The following SNN variants were observed in gnomAD, a reference collection of about 807,000 sequenced individuals.
SNN encodes stannin.
SNN carries 5 observed loss-of-function variants against 5.3 expected under a neutral mutation model. The ratio of observed to expected loss-of-function variants is 0.94; its 90% CI spans 0.49 to 1.97. The LOEUF (loss-of-function observed/expected upper bound fraction) is 1.97, where lower values mean the gene tolerates loss of function less well. Among genes scored for constraint, SNN ranks in the 30% most tolerant of loss-of-function variants. SNN has a pLI of 0.01. For synonymous variants in SNN, 67 were observed against 52.1 expected (o/e 1.29, Z -1.24); for missense variants, 127 against 121.6 (o/e 1.04, Z -0.21).
chr16:11,669,090 C>T (rs2050248216), intron 1 of SNN, among the ~76,000 whole-genome samples: 1 of 152,208 alleles, frequency 6.6e-6, no homozygotes, highest in Non-Finnish European at 1.5e-5. Context: ...CCGATTCGAG[C>T]TACCTCCCCA....
At position 11,677,777 on chromosome 16, in the gene SNN, C is replaced by T. The variant is rs1483476998; in HGVS notation, c.*1451C>T. On this transcript the variant is annotated 3_prime_UTR_variant, in exon 2 of 2. Transcript: ENST00000329565. This position sits in a 1 kb window ranked among gnomAD's most constrained non-coding sequence, Gnocchi z 4.2. ...ATCCCTGTAATAGATGGAAGGTCAG[C>T]CCCGGCTTAACCACAGAGCACTGGC... is the stretch of plus-strand genomic sequence containing the variant. 3.0e-5 allele frequency: 5 copies of T among 167,104 alleles called. No homozygotes were observed. Among genetic ancestry groups the T allele is most frequent in the African/African-American group, 7.2e-5 (3 of 41,454 alleles). The allele number at this position is 167,104 out of a possible 1,614,324, so 10.4% of individuals were successfully genotyped here.
rs893382774 is a variant in SNN at position 11,676,132 on chromosome 16, C to T, written c.73C>T (p.Leu25=). 1 of 1,614,204 alleles carries T rather than the reference C, an allele frequency of 6.2e-7. No homozygotes were observed. The highest frequency in any genetic ancestry group is 8.5e-7 in the Non-Finnish European group (1 of 1,180,020). Residue 25 remains leucine (L), a synonymous_variant, in exon 2 of 2, where the codon CTG becomes TTG. Transcript: ENST00000329565. The part of the protein sequence containing the change: ...VIVILIAIAA[L]GALILGCWCY... Reference sequence around the variant, plus strand: ...CGTCATCCTCATTGCCATCGCGGCCCTGGGGGCCTTGATCCTGGGCTGCTG... The same window carrying T: ...CGTCATCCTCATTGCCATCGCGGCCTTGGGGGCCTTGATCCTGGGCTGCTG...
At chr16:11,674,246 G>A (rs1474582001) in intron 1 of SNN, among the ~76,000 whole-genome samples, 3 of 152,210 alleles carry the variant, frequency 2.0e-5, no homozygotes, top group Non-Finnish European at 2.9e-5. Context: ...GCCCAGTCCT[G>A]TGTAGAACGC....
rs1404580053 is a variant in SNN at position 11,672,296 on chromosome 16, G to C, written c.-85-3679G>C. ...AGCCAGGGGACAGCCCCTGAGCCTA[G>C]AGAAGGGCAGGTAGCAAGGAGAGCA... On this transcript the variant is annotated intron_variant, in intron 1 of 1. Transcript: ENST00000329565. The surrounding 1 kb of genome is among the most constrained non-coding windows in gnomAD (Gnocchi z 6.0). Among the ~76,000 whole-genome samples, 3 of 152,202 alleles carry C rather than the reference G, an allele frequency of 2.0e-5. No individual in the cohort carries two copies. In the East Asian group the frequency reaches 5.8e-4, roughly 29 times the overall value.
At chr16:11,675,869 C>A in intron 1 of SNN, 106 bp from the exon 2 acceptor site, 2 of 607,034 alleles carry the variant, frequency 3.3e-6, no homozygotes, top group Admixed American at 3.0e-5. Flanking sequence ...CGCCGGCCAG[C>A]ATGCTTTTTG....
rs372428951 is a variant in SNN at position 11,669,976 on chromosome 16, T to C, written c.-86+1436T>C. On this transcript the variant is annotated intron_variant, in intron 1 of 1. Transcript: ENST00000329565. ...CCCATCAGTGTCAGTCCCACTGGCA[T>C]CCGGCCGTTCTTGGTCCTGGCTTCT... Among the ~76,000 whole-genome samples the C allele has an allele frequency of 3.9e-5, 6 of 152,344 alleles. No individual in the cohort carries two copies. In the South Asian group the frequency reaches 6.2e-4, roughly 16 times the overall value.
In SNN at chr16:11,676,151, G is replaced by C; in HGVS notation, c.92G>C (p.Gly31Ala). 1 of 1,614,232 alleles carries C rather than the reference G, an allele frequency of 6.2e-7. No homozygotes were observed. The highest frequency in any genetic ancestry group is 1.7e-5 in the Admixed American group (1 of 60,038). Residue 31 changes from glycine to alanine, a missense_variant, in exon 2 of 2, where the codon GGC becomes GCC. Gly to Ala is a moderately conservative substitution (Grantham distance 60). Transcript: ENST00000329565. ...AIAALGALIL[G>A]CWCYLRLQRI... ...GCGGCCCTGGGGGCCTTGATCCTGG[G>C]CTGCTGGTGCTACCTGCGGCTGCAG...
chr16:11,670,511 T>C (rs1041358447), intron 1 of SNN, among the ~76,000 whole-genome samples: 5 of 152,216 alleles, frequency 3.3e-5, no homozygotes, highest in Non-Finnish European at 7.4e-5. Flanking sequence ...TTGTCCCTGC[T>C]GTAGCACACA....
chr16:11,674,910 G>C (rs2050288551), intron 1 of SNN, among the ~76,000 whole-genome samples: 1 of 152,118 alleles, frequency 6.6e-6, no homozygotes, highest in African/African-American at 2.4e-5. Context: ...ACAGTCTGGC[G>C]CCTGCATTAG....
At chr16:11,669,344 C>T (rs549889650) in intron 1 of SNN, among the ~76,000 whole-genome samples, 1 of 152,364 alleles carries the variant, frequency 6.6e-6, no homozygotes, top group South Asian at 2.1e-4. Flanking sequence ...CCCGCCCCAG[C>T]GAGGGCCACA....
chr16:11,669,139 G>T (rs764251355), intron 1 of SNN, among the ~76,000 whole-genome samples: 1 of 152,206 alleles, frequency 6.6e-6, no homozygotes, highest in Non-Finnish European at 1.5e-5. Context: ...CCTGGGCCGA[G>T]CCCCCTCCTC....
At position 11,672,199 on chromosome 16, in the gene SNN, G is replaced by T. The variant is rs749579279; in HGVS notation, c.-86+3659G>T. Among the ~76,000 whole-genome samples the T allele has an allele frequency of 1.3e-5, 2 of 152,208 alleles. No individual in the cohort carries two copies. Among genetic ancestry groups the T allele is most frequent in the African/African-American group, 2.4e-5 (1 of 41,448 alleles). On this transcript the variant is annotated intron_variant, in intron 1 of 1. Coordinates refer to ENST00000329565, the MANE Select transcript of SNN (RefSeq NM_003498.6). This position sits in a 1 kb window ranked among gnomAD's most constrained non-coding sequence, Gnocchi z 6.0. ...TACTGTGTACCCGTGCAGGGCAGGG[G>T]TACAGCTGTGGGCGGGACAGACGGT...
intron 1 of SNN, among the ~76,000 whole-genome samples, chr16:11,673,525 G>A (rs2050279322): frequency 6.6e-6 from 1 of 152,210 alleles, no homozygotes; most frequent in Non-Finnish European, 1.5e-5. Flanking sequence ...GGTGGGGGCT[G>A]CCCTGTGCAC....
In SNN at chr16:11,674,080, A is replaced by G. The variant is rs78538715; in HGVS notation, c.-85-1895A>G. ...TGGGGAAACTCCTGGTTGGGTAAGAATCATTTCTCCTTAAGGGTGCTGTTC... is the reference window on the plus strand; with the variant it reads ...TGGGGAAACTCCTGGTTGGGTAAGAGTCATTTCTCCTTAAGGGTGCTGTTC... On this transcript the variant is annotated intron_variant, in intron 1 of 1. Coordinates refer to ENST00000329565, the MANE Select transcript of SNN (RefSeq NM_003498.6). 3.7e-3 allele frequency among the ~76,000 whole-genome samples: 564 copies of G among 152,338 alleles called. 4 individuals carry two copies. The highest frequency in any genetic ancestry group is 0.013 in the African/African-American group (534 of 41,576).
chr16:11,676,178 G>T lies in SNN; in HGVS notation c.119G>T (p.Arg40Leu). ...LGCWCYLRLQ[R>L]ISQSEDEESI... is the part of the protein sequence containing the mutation. The stretch of plus-strand genomic sequence containing the variant: ...TGCTGGTGCTACCTGCGGCTGCAGC[G>T]CATCAGCCAGTCAGAGGACGAGGAG... Residue 40 changes from arginine to leucine, a missense_variant, in exon 2 of 2, where the codon CGC becomes CTC. By Grantham distance (102) the Arg-to-Leu change is moderately radical. Coordinates refer to ENST00000329565, the MANE Select transcript of SNN (RefSeq NM_003498.6). 6.2e-7 allele frequency: 1 copy of T among 1,614,232 alleles called. No individual in the cohort carries two copies. Among genetic ancestry groups the T allele is most frequent in the Non-Finnish European group, 8.5e-7 (1 of 1,180,046 alleles).
rs1475194344 is a variant in SNN at position 11,668,804 on chromosome 16, TG to T, written c.-86+268del. On this transcript the variant is annotated intron_variant, in intron 1 of 1. Coordinates refer to ENST00000329565, the MANE Select transcript of SNN (RefSeq NM_003498.6). This position sits in a 1 kb window ranked among gnomAD's most constrained non-coding sequence, Gnocchi z 6.8. ...GCGGCGGGGGGCGGAGGCCGCTTTG[TG>T]GGGATCGCGGGGCGCTCGCCCCCGC... is the stretch of plus-strand genomic sequence containing the variant. 2.6e-5 allele frequency among the ~76,000 whole-genome samples: 4 copies of T among 151,034 alleles called. No individual in the cohort carries two copies. The highest frequency in any genetic ancestry group is 5.9e-5 in the Non-Finnish European group (4 of 67,620).
rs1450557793 is a variant in SNN at position 11,676,286 on chromosome 16, C to T, written c.227C>T (p.Ala76Val). Residue 76 changes from alanine (A) to valine (V), a missense_variant, in exon 2 of 2, where the codon GCC becomes GTC. Transcript: ENST00000329565. ...SAKGPCVERK[A>V]KLMTPNGPEV... ...AAGGGACCGTGCGTGGAGAGAAAGGCCAAGCTGATGACTCCCAACGGCCCG... is the reference window on the plus strand; with the variant it reads ...AAGGGACCGTGCGTGGAGAGAAAGGTCAAGCTGATGACTCCCAACGGCCCG... The T allele has an allele frequency of 6.2e-7, 1 of 1,614,030 alleles. No homozygotes were observed. The highest frequency in any genetic ancestry group is 1.3e-5 in the African/African-American group (1 of 74,932).
At position 11,672,296 on chromosome 16, in the gene SNN, G is replaced by A. The variant is rs1404580053; in HGVS notation, c.-85-3679G>A. On this transcript the variant is annotated intron_variant, in intron 1 of 1. Coordinates refer to ENST00000329565, the MANE Select transcript of SNN (RefSeq NM_003498.6). The surrounding 1 kb of genome is among the most constrained non-coding windows in gnomAD (Gnocchi z 6.0). ...AGCCAGGGGACAGCCCCTGAGCCTA[G>A]AGAAGGGCAGGTAGCAAGGAGAGCA... 3.9e-5 allele frequency among the ~76,000 whole-genome samples: 6 copies of A among 152,202 alleles called. No homozygotes were observed.
chr16:11,669,166 G>A (rs1033787668), intron 1 of SNN, among the ~76,000 whole-genome samples: 1 of 152,198 alleles, frequency 6.6e-6, no homozygotes, highest in African/African-American at 2.4e-5. Flanking sequence ...GCCTCGCTTT[G>A]CTCCTCCGTG....
Sources: gnomAD v4.1 joint callset for allele counts (sites outside exome capture counted in the v4.1 genomes callset) on GRCh38, gnomAD v4.1.1 for gene constraint, Gnocchi (gnomAD v3.1) non-coding constraint, MANE v1.5 for transcripts, NCBI Gene and HGNC (gene_info 2026-07-23, HGNC 2026-07-21) for gene names.